The following GRM8 variants were observed in gnomAD, a reference collection of about 807,000 sequenced individuals.
The protein encoded by GRM8 is metabotropic glutamate receptor 8.
Under a neutral mutation model 87.2 loss-of-function variants are expected in GRM8, and 47 were observed. The ratio of observed to expected loss-of-function variants is 0.54; its 90% CI spans 0.43 to 0.69. GRM8 has a LOEUF of 0.69. Among genes scored for constraint, GRM8 ranks in the 30% least tolerant of loss-of-function variants. The probability of loss-of-function intolerance (pLI) is 0.00; values close to 1 mark genes in which losing one functional copy is unlikely to be tolerated. For synonymous variants in GRM8, 396 were observed against 404.5 expected (o/e 0.98, Z 0.25); for missense variants, 1,019 against 1,139.2 (o/e 0.89, Z 1.52).
chr7:126,532,764 G>GAGAT (rs1815024745), intron 9 of GRM8, among the ~76,000 whole-genome samples, 188 bp downstream of exon 9: 1 of 110,980 alleles, frequency 9.0e-6, no homozygotes, highest in East Asian at 2.6e-4. Context: ...GACGGATGGA[G>GAGAT]ATATATATAT....
intron 6 of GRM8, among the ~76,000 whole-genome samples, chr7:126,799,466 A>T (rs1039214956): frequency 6.6e-6 from 1 of 152,122 alleles, no homozygotes; most frequent in African/African-American, 2.4e-5. Context: ...TACACTAACA[A>T]TAATGTAGAC....
chr7:127,206,985 C>A (rs188752041), intron 2 of GRM8, among the ~76,000 whole-genome samples: 25 of 152,226 alleles, frequency 1.6e-4, no homozygotes, highest in African/African-American at 4.1e-4. Context: ...TGGGACATGG[C>A]TTGTGTGACC....
intron 6 of GRM8, among the ~76,000 whole-genome samples, chr7:126,873,300 T>C (rs1799260715): frequency 6.6e-6 from 1 of 152,142 alleles, no homozygotes; most frequent in Non-Finnish European, 1.5e-5. Context: ...AGCATATTAG[T>C]TTCCCTTAAA....
intron 2 of GRM8, among the ~76,000 whole-genome samples, chr7:127,166,228 A>G (rs1002077189): frequency 6.6e-6 from 1 of 152,080 alleles, no homozygotes; most frequent in Non-Finnish European, 1.5e-5. Context: ...ATATAAATAA[A>G]TATCTTGGCT....
At chr7:127,111,424 A>G (rs1826337647) in intron 2 of GRM8, among the ~76,000 whole-genome samples, 1 of 152,150 alleles carries the variant, frequency 6.6e-6, no homozygotes, top group South Asian at 2.1e-4. Flanking sequence ...AACCACCCAG[A>G]ACGTGACTAC....
chr7:126,496,320 C>G (rs10254242), intron 9 of GRM8, among the ~76,000 whole-genome samples: 6,088 of 151,866 alleles, frequency 0.04, 389 homozygotes, highest in African/African-American at 0.13. Flanking sequence ...GAAAGAGAAT[C>G]TGCAGATTTT....
At chr7:126,580,336 C>A (rs951411280) in intron 8 of GRM8, among the ~76,000 whole-genome samples, 3 of 152,108 alleles carry the variant, frequency 2.0e-5, no homozygotes, top group Admixed American at 6.6e-5. Context: ...CCAAGACTCC[C>A]TCTTTTTGCC....
rs557431855 is a variant in GRM8 at position 126,479,781 on chromosome 7, T to C, written c.2431-33409A>G. Among the ~76,000 whole-genome samples, 27 of 151,944 alleles carry C rather than the reference T, an allele frequency of 1.8e-4. No individual in the cohort carries two copies. The South Asian group carries it at 2.9e-3, about 16-fold the overall frequency. On this transcript the variant is annotated intron_variant, in intron 9 of 10. Coordinates refer to ENST00000339582, the MANE Select transcript of GRM8 (RefSeq NM_000845.3). ...ACAGACAGACAGACAGATAGATAGA[T>C]AGAACCACTGTGTTATATAGAAACT...
chr7:126,833,959 T>G (rs1014892185), intron 6 of GRM8, among the ~76,000 whole-genome samples: 3 of 152,094 alleles, frequency 2.0e-5, no homozygotes, highest in Non-Finnish European at 2.9e-5. Context: ...ACTGGCCACA[T>G]TGTGAGAAAT....
intron 3 of GRM8, among the ~76,000 whole-genome samples, chr7:126,984,421 C>CCAT (rs1406287937): frequency 3.3e-5 from 5 of 151,562 alleles, no homozygotes; most frequent in Admixed American, 1.3e-4. Context: ...CAGGGGTTCA[C>CCAT]CTAATTAGCT....
intron 7 of GRM8, among the ~76,000 whole-genome samples, chr7:126,624,510 C>G (rs1311619602): frequency 6.6e-6 from 1 of 152,166 alleles, no homozygotes; most frequent in African/African-American, 2.4e-5. Flanking sequence ...CTTCATAGTA[C>G]TTTTAAATAT....
chr7:127,158,346 C>T (rs1043983032), intron 2 of GRM8, among the ~76,000 whole-genome samples: 4 of 152,158 alleles, frequency 2.6e-5, no homozygotes, highest in African/African-American at 9.7e-5. Flanking sequence ...AGGACATCCT[C>T]ACCGTCCACT....
intron 9 of GRM8, among the ~76,000 whole-genome samples, chr7:126,448,825 A>C (rs946492545): frequency 6.6e-6 from 1 of 151,924 alleles, no homozygotes; most frequent in African/African-American, 2.4e-5. Flanking sequence ...TATAAGTGGG[A>C]GCTAAATGAT....
intron 9 of GRM8, among the ~76,000 whole-genome samples, chr7:126,475,051 T>C (rs1429666165): frequency 6.6e-6 from 1 of 152,134 alleles, no homozygotes; most frequent in Non-Finnish European, 1.5e-5. Flanking sequence ...GCTGATAGCT[T>C]TTCCTCTAAG....
chr7:126,727,571 C>A (rs1813135243), intron 7 of GRM8, among the ~76,000 whole-genome samples: 1 of 151,954 alleles, frequency 6.6e-6, no homozygotes, highest in African/African-American at 2.4e-5. Context: ...AAAGGAAATA[C>A]CTCATTTAAA....
chr7:127,152,839 A>T (rs1587145311), intron 2 of GRM8, among the ~76,000 whole-genome samples: 1 of 152,190 alleles, frequency 6.6e-6, no homozygotes, highest in Non-Finnish European at 1.5e-5. Flanking sequence ...CATGTTTCAT[A>T]GGACTACAGT....
chr7:126,948,924 C>T (rs1807843588), intron 3 of GRM8, among the ~76,000 whole-genome samples: 1 of 152,148 alleles, frequency 6.6e-6, no homozygotes, highest in African/African-American at 2.4e-5. Flanking sequence ...GGTTGAGTGA[C>T]ACTAAGGTAG....
chr7:126,822,404 T>C (rs932927365), intron 6 of GRM8, among the ~76,000 whole-genome samples: 11 of 152,132 alleles, frequency 7.2e-5, no homozygotes, highest in Admixed American at 3.9e-4. Flanking sequence ...TTACCACTGA[T>C]TTTTTATTTT....
At chr7:126,615,044 A>T (rs1344823432) in intron 7 of GRM8, among the ~76,000 whole-genome samples, 1 of 152,212 alleles carries the variant, frequency 6.6e-6, no homozygotes, top group African/African-American at 2.4e-5. Flanking sequence ...ATACTCCTCG[A>T]GAAGAGCAAC....
Sources: allele counts gnomAD v4.1 joint callset (sites outside exome capture counted in the v4.1 genomes callset), GRCh38; gene constraint gnomAD v4.1.1; transcripts MANE v1.5; gene names NCBI Gene and HGNC (gene_info 2026-07-23, HGNC 2026-07-21).